The following PRKCH variants were observed in gnomAD, a reference collection of about 807,000 sequenced individuals.
PRKCH encodes protein kinase C eta type.
Under a neutral mutation model 82.5 loss-of-function variants are expected in PRKCH, and 28 were observed. The ratio of observed to expected loss-of-function variants is 0.34; its 90% confidence interval spans 0.25 to 0.47. PRKCH has a LOEUF of 0.47. Ranked by LOEUF, PRKCH falls within the 20% of genes least tolerant of loss-of-function variation. The pLI is 1.00. For synonymous variants in PRKCH, 322 were observed against 327.4 expected (o/e 0.98, Z 0.18); for missense variants, 705 against 881.8 (o/e 0.80, Z 2.54).
chr14:61,326,635 A>G (rs2045700271), intron 1 of PRKCH, among the ~76,000 whole-genome samples: 2 of 152,258 alleles, frequency 1.3e-5, no homozygotes, highest in Admixed American at 1.3e-4. Context: ...GCGCTTATCC[A>G]TATTTTACTG....
At chr14:61,493,354 T>C (rs942443878) in intron 10 of PRKCH, among the ~76,000 whole-genome samples, 2 of 152,158 alleles carry the variant, frequency 1.3e-5, no homozygotes, top group South Asian at 4.1e-4. Flanking sequence ...AGGAATCATC[T>C]CTCTATTCCA....
chr14:61,375,721 C>G (rs2046420293), intron 1 of PRKCH, among the ~76,000 whole-genome samples: 1 of 151,986 alleles, frequency 6.6e-6, no homozygotes, highest in Non-Finnish European at 1.5e-5. Context: ...TCAGTCACCT[C>G]CCAGCAGGCC....
At chr14:61,509,178 C>T (rs1887273057) in intron 10 of PRKCH, among the ~76,000 whole-genome samples, 1 of 152,106 alleles carries the variant, frequency 6.6e-6, no homozygotes, top group South Asian at 2.1e-4. Flanking sequence ...CCAGGAATTG[C>T]ATGTGATGCA....
chr14:61,242,640 C>T (rs1308560561), intron 1 of PRKCH, among the ~76,000 whole-genome samples: 2 of 152,078 alleles, frequency 1.3e-5, no homozygotes, highest in East Asian at 3.9e-4. Context: ...TCAGGTGATC[C>T]CCCCTCCTCG....
intron 1 of PRKCH, among the ~76,000 whole-genome samples, chr14:61,332,567 G>A (rs1432701609): frequency 6.6e-6 from 1 of 152,166 alleles, no homozygotes; most frequent in Non-Finnish European, 1.5e-5. Context: ...TACCAAAGAT[G>A]TTTAGTTTGT....
Position 61,280,665 on chromosome 14 carries a change from G to C in PRKCH, c.-19+92997G>C. The C allele has an allele frequency of 6.4e-7, 1 of 1,571,564 alleles. No homozygotes were observed. The highest frequency in any genetic ancestry group is 8.6e-7 in the Non-Finnish European group (1 of 1,160,052). Reference sequence around the variant, plus strand: ...AGAGGCTGTTGGCGATGGCGCCGCAGGGCGCGATGGGCAGGCCGGCCGCGC... The same window carrying C: ...AGAGGCTGTTGGCGATGGCGCCGCACGGCGCGATGGGCAGGCCGGCCGCGC... On this transcript the variant is annotated intron_variant, in intron 1 of 3. Transcript: ENST00000555185. The surrounding 1 kb of genome is among the most constrained non-coding windows in gnomAD (Gnocchi z 5.0).
At chr14:61,324,672 T>A (rs2045672189) in intron 1 of PRKCH, among the ~76,000 whole-genome samples, 1 of 152,230 alleles carries the variant, frequency 6.6e-6, no homozygotes, top group Non-Finnish European at 1.5e-5. Context: ...TTGACCAGGC[T>A]GGTCTTGAAC....
At chr14:61,347,951 C>T (rs4559839) in intron 1 of PRKCH, 82,769 of 152,530 alleles carry the variant, frequency 0.54, 26,347 homozygotes, top group Non-Finnish European at 0.7. Flanking sequence ...TTAATAGGCC[C>T]AGGGAGGAGA....
At chr14:61,267,215 G>C (rs948056473) in intron 1 of PRKCH, among the ~76,000 whole-genome samples, 3 of 152,228 alleles carry the variant, frequency 2.0e-5, no homozygotes, top group African/African-American at 7.2e-5. Flanking sequence ...TTTATTTCCT[G>C]TCAACAGAAA....
intron 1 of PRKCH, among the ~76,000 whole-genome samples, chr14:61,299,260 C>A (rs2045430752): frequency 6.6e-6 from 1 of 152,154 alleles, no homozygotes; most frequent in South Asian, 2.1e-4. Context: ...TCTGCATGTG[C>A]AATGGCCAGC....
At chr14:61,313,192 G>A (rs80334530) in intron 1 of PRKCH, among the ~76,000 whole-genome samples, 68 of 152,184 alleles carry the variant, frequency 4.5e-4, no homozygotes, top group African/African-American at 8.2e-4. Flanking sequence ...TGCTATTACC[G>A]CAAAATAGTC....
rs146586477 is a variant in PRKCH at position 61,421,490 on chromosome 14, C to T, written c.428-21621C>T. On this transcript the variant is annotated intron_variant, in intron 2 of 13. Transcript: ENST00000332981. ...ATGAAATCTGATAATATTGCAGCCC[C>T]GTAGGAAAACTTTTCAGTGCCTTGC... Among the ~76,000 whole-genome samples the T allele has an allele frequency of 2.4e-3, 367 of 152,220 alleles. 1 individual carries two copies. The highest frequency in any genetic ancestry group is 8.0e-3 in the African/African-American group (331 of 41,524).
intron 1 of PRKCH, among the ~76,000 whole-genome samples, chr14:61,253,949 A>G (rs2044971242): frequency 6.7e-6 from 1 of 149,978 alleles, no homozygotes; most frequent in Non-Finnish European, 1.5e-5. Context: ...GTTTGTGTAC[A>G]TGTTTCCTTC....
chr14:61,464,257 G>T (rs1004821926), intron 9 of PRKCH, among the ~76,000 whole-genome samples: 4 of 151,904 alleles, frequency 2.6e-5, no homozygotes, highest in Non-Finnish European at 5.9e-5. Flanking sequence ...AATAATAGCT[G>T]TTCTGACAGG....
intron 9 of PRKCH, among the ~76,000 whole-genome samples, chr14:61,466,995 C>A (rs949523888): frequency 6.6e-6 from 1 of 152,182 alleles, no homozygotes; most frequent in Non-Finnish European, 1.5e-5. Context: ...AATGATCTCA[C>A]GTGTGCTCAG....
chr14:61,386,757 G>C (rs2046593960), intron 1 of PRKCH, among the ~76,000 whole-genome samples: 1 of 152,244 alleles, frequency 6.6e-6, no homozygotes, highest in South Asian at 2.1e-4. Context: ...GTGGGAGGCA[G>C]GGAGGCAGAC....
chr14:61,367,421 A>T (rs2046310973), intron 1 of PRKCH, among the ~76,000 whole-genome samples: 1 of 151,522 alleles, frequency 6.6e-6, no homozygotes, highest in African/African-American at 2.4e-5. Flanking sequence ...CACCGAGGTC[A>T]CCGTGGATGA....
At chr14:61,475,215 C>A (rs1594745956) in intron 9 of PRKCH, among the ~76,000 whole-genome samples, 1 of 152,166 alleles carries the variant, frequency 6.6e-6, no homozygotes, top group Non-Finnish European at 1.5e-5. Flanking sequence ...CTATTTGATG[C>A]TTAAACCAAA....
intron 10 of PRKCH, among the ~76,000 whole-genome samples, chr14:61,491,122 T>C (rs1886434317): frequency 1.3e-5 from 2 of 152,192 alleles, no homozygotes; most frequent in South Asian, 4.1e-4. Context: ...CAGATGTCTT[T>C]CATTTGAGCC....
Sources: allele counts gnomAD v4.1 joint callset (sites outside exome capture counted in the v4.1 genomes callset), GRCh38; gene constraint gnomAD v4.1.1; non-coding constraint Gnocchi (gnomAD v3.1); transcripts MANE v1.5; gene names NCBI Gene and HGNC (gene_info 2026-07-23, HGNC 2026-07-21).